TANC2: variants seen among roughly 807,000 people sequenced by gnomAD.
TANC2 encodes protein TANC2.
A neutral mutation model predicts 210.5 loss-of-function variants in TANC2; 26 were observed. The ratio of observed to expected loss-of-function variants is 0.12; its 90% confidence interval spans 0.09 to 0.17. The LOEUF (loss-of-function observed/expected upper bound fraction) is 0.17. Ranked by LOEUF, TANC2 falls within the 10% of genes least tolerant of loss-of-function variation. The pLI is 1.00. For missense variants in TANC2, 2,129 were observed against 2,608.9 expected (o/e 0.82, Z 4.01); for synonymous variants, 931 against 967.1 (o/e 0.96, Z 0.69).
chr17:63,084,074 A>G (rs1395918242), intron 3 of TANC2, among the ~76,000 whole-genome samples: 1 of 152,120 alleles, frequency 6.6e-6, no homozygotes, highest in Non-Finnish European at 1.5e-5. Context: ...TTCTTCCATA[A>G]ATGTTTAGTA....
At chr17:63,170,803 G>A (rs1167561901) in intron 5 of TANC2, among the ~76,000 whole-genome samples, 2 of 152,032 alleles carry the variant, frequency 1.3e-5, no homozygotes. Context: ...TTCTAGAGTT[G>A]GACTACAAGA....
At chr17:63,158,418 A>G (rs1460322077) in intron 5 of TANC2, among the ~76,000 whole-genome samples, 3 of 152,196 alleles carry the variant, frequency 2.0e-5, no homozygotes, top group Admixed American at 6.5e-5. Flanking sequence ...TAAGCAGAAC[A>G]TATGTTCCTG....
intron 15 of TANC2, among the ~76,000 whole-genome samples, chr17:63,384,643 G>A (rs930596181): frequency 6.6e-6 from 1 of 151,972 alleles, no homozygotes; most frequent in South Asian, 2.1e-4. Flanking sequence ...CCTAAAGTTA[G>A]CATACATATG....
At position 63,222,619 on chromosome 17, in the gene TANC2, AG is replaced by A. The variant is rs1187655118; in HGVS notation, c.770-15194del. ...GAGGCAACTGTATGGGATGATGGAA[AG>A]TTGATTACAGCATAACTGGATACAT... On this transcript the variant is annotated intron_variant, in intron 7 of 27. Coordinates refer to ENST00000689528, the Ensembl canonical transcript of TANC2. Among the ~76,000 whole-genome samples the A allele has an allele frequency of 2.0e-5, 3 of 152,266 alleles. No individual in the cohort carries two copies. The East Asian group carries it at 5.8e-4, about 29-fold the overall frequency.
At chr17:63,363,780 A>G (rs533424532) in intron 14 of TANC2, among the ~76,000 whole-genome samples, 5 of 152,306 alleles carry the variant, frequency 3.3e-5, no homozygotes, top group African/African-American at 1.2e-4. Context: ...AAGTCAGGCA[A>G]TATGATTCCT....
At chr17:63,121,277 A>G (rs1032920848) in intron 4 of TANC2, among the ~76,000 whole-genome samples, 1 of 152,200 alleles carries the variant, frequency 6.6e-6, no homozygotes, top group Admixed American at 6.5e-5. Context: ...AGCTTAGGAC[A>G]GGTTAACTTC....
intron 17 of TANC2, chr17:63,390,572 A>G (rs1345803137): frequency 6.6e-6 from 1 of 152,206 alleles, no homozygotes; most frequent in Non-Finnish European, 1.5e-5. Context: ...AGCTCACTGC[A>G]GTCTTCAGCC....
chr17:63,245,767 C>T (rs1396374780), intron 8 of TANC2, among the ~76,000 whole-genome samples: 6 of 150,036 alleles, frequency 4.0e-5, no homozygotes, highest in Non-Finnish European at 7.4e-5. Context: ...CCCTTGAACC[C>T]GGGAGGTGGA....
chr17:63,352,491 A>G (rs1195335447), intron 13 of TANC2, among the ~76,000 whole-genome samples: 1 of 152,194 alleles, frequency 6.6e-6, no homozygotes, highest in East Asian at 1.9e-4. Flanking sequence ...TATATAACCT[A>G]TCATTATTAG....
intron 27 of TANC2, among the ~76,000 whole-genome samples, chr17:63,419,778 G>A (rs776822321): frequency 3.3e-5 from 5 of 152,114 alleles, no homozygotes; most frequent in Non-Finnish European, 7.3e-5. Flanking sequence ...TCCCAGAGAG[G>A]CCAGAAGGAA....
At chr17:63,026,947 A>C (rs1207821982) in intron 2 of TANC2, among the ~76,000 whole-genome samples, 1 of 152,136 alleles carries the variant, frequency 6.6e-6, no homozygotes, top group Non-Finnish European at 1.5e-5. Flanking sequence ...GTTGGTAAAG[A>C]AGGAAGACAG....
chr17:63,075,572 C>G (rs1364867192), intron 3 of TANC2, among the ~76,000 whole-genome samples: 2 of 152,144 alleles, frequency 1.3e-5, no homozygotes, highest in African/African-American at 2.4e-5. Context: ...GTCGCCTAGG[C>G]TGGAGTGCAG....
intron 2 of TANC2, among the ~76,000 whole-genome samples, chr17:63,017,085 C>T (rs1017849696): frequency 6.6e-6 from 1 of 152,096 alleles, no homozygotes; most frequent in Admixed American, 6.5e-5. Context: ...GTTGTTGATC[C>T]ATTTGGAGTA....
intron 2 of TANC2, among the ~76,000 whole-genome samples, chr17:63,044,479 G>A (rs111653731): frequency 1.4e-4 from 22 of 152,022 alleles, no homozygotes; most frequent in Middle Eastern, 6.8e-3. Flanking sequence ...TATTTTATGA[G>A]CCCATTTCTT....
chr17:63,342,060 A>G (rs1418485441), intron 12 of TANC2, among the ~76,000 whole-genome samples: 2 of 152,116 alleles, frequency 1.3e-5, no homozygotes, highest in Non-Finnish European at 2.9e-5. Flanking sequence ...CCACCCATCT[A>G]TCAAGGACCA....
At chr17:63,286,057 T>C (rs72845241) in intron 9 of TANC2, among the ~76,000 whole-genome samples, 23,195 of 152,168 alleles carry the variant, frequency 0.15, 2,108 homozygotes, top group Middle Eastern at 0.21. Flanking sequence ...CCCTCCCAAC[T>C]TCTATGTTGT....
chr17:63,300,756 GA>G (rs1401104359), intron 9 of TANC2, among the ~76,000 whole-genome samples: 1 of 152,098 alleles, frequency 6.6e-6, no homozygotes, highest in Non-Finnish European at 1.5e-5. Context: ...CTTCCTATGT[GA>G]ATACACTTTA....
chr17:63,032,916 T>C (rs1297341096), intron 2 of TANC2, among the ~76,000 whole-genome samples: 1 of 152,174 alleles, frequency 6.6e-6, no homozygotes, highest in Non-Finnish European at 1.5e-5. Context: ...TTGTACTTCT[T>C]CTGACCTACA....
Position 63,319,013 on chromosome 17 carries a change from A to G in TANC2, c.1498A>G (p.Ile500Val), listed in dbSNP as rs753217237. ...ACAGCCACCTTCAGCCCACTCATCT[A>G]TCACCAGTGGAAGCTGCCCAGGAAC... Residue 500 changes from isoleucine to valine, a missense_variant, in exon 11 of 28, where the codon ATC becomes GTC. Physicochemically the swap from Ile to Val is conservative, Grantham distance 29 (BLOSUM62 3). Around this residue, in one of 5 missense-constraint regions of TANC2, gnomAD observed 739 missense variants for 848.0 expected, o/e 0.87. Transcript: ENST00000689528. 1.2e-5 allele frequency: 19 copies of G among 1,613,578 alleles called. No individual in the cohort carries two copies. The highest frequency in any genetic ancestry group is 4.0e-5 in the African/African-American group (3 of 74,920).
Sources: allele counts gnomAD v4.1 joint callset (sites outside exome capture counted in the v4.1 genomes callset), GRCh38; gene constraint gnomAD v4.1.1; regional missense constraint gnomAD v4.1.1; transcripts MANE v1.5; gene names NCBI Gene and HGNC (gene_info 2026-07-23, HGNC 2026-07-21).